PEBP4: variants seen among roughly 807,000 people sequenced by gnomAD.
The protein encoded by PEBP4 is phosphatidylethanolamine-binding protein 4.
In PEBP4, 22 loss-of-function variants were observed where a neutral mutation model predicts 23.9. The ratio of observed to expected loss-of-function variants is 0.92; its 90% CI spans 0.66 to 1.31. The LOEUF is 1.31. Ranked by LOEUF, PEBP4 falls within the 40% of genes most tolerant of loss-of-function variation. PEBP4 has a pLI of 0.00. For synonymous variants in PEBP4, 112 were observed against 99.3 expected (o/e 1.13, Z -0.76); for missense variants, 324 against 281.7 (o/e 1.15, Z -1.07).
intron 4 of PEBP4, chr8:22,747,676 G>GA (rs1367394614): frequency 6.6e-6 from 1 of 152,290 alleles, no homozygotes; most frequent in Non-Finnish European, 1.5e-5. Context: ...CTGCCTCGCT[G>GA]AGTAGCCTGA....
intron 4 of PEBP4, among the ~76,000 whole-genome samples, chr8:22,797,250 T>C (rs1585277917): frequency 2.3e-5 from 2 of 85,470 alleles, no homozygotes; most frequent in Non-Finnish European, 4.6e-5. Flanking sequence ...TGAAACTCTG[T>C]CTCAAAAAAA....
chr8:22,833,368 G>A (rs537152155), intron 3 of PEBP4, among the ~76,000 whole-genome samples: 38 of 152,272 alleles, frequency 2.5e-4, no homozygotes, highest in African/African-American at 8.4e-4. Flanking sequence ...GTCTTATTCT[G>A]TCACTCAGGC....
chr8:22,817,808 T>C, intron 3 of PEBP4, 73 bp from the exon 4 acceptor site: 1 of 1,385,084 alleles, frequency 7.2e-7, no homozygotes, highest in Non-Finnish European at 1.0e-6. Flanking sequence ...CAGACCTCCT[T>C]TTCCCGCCAT....
chr8:22,799,028 G>A (rs1437692654), intron 4 of PEBP4, among the ~76,000 whole-genome samples: 2 of 152,020 alleles, frequency 1.3e-5, no homozygotes, highest in Admixed American at 6.6e-5. Context: ...GTTAGCCACC[G>A]TGCCTGGCCA....
intron 3 of PEBP4, among the ~76,000 whole-genome samples, chr8:22,873,125 G>C (rs1388256981): frequency 1.3e-5 from 2 of 152,210 alleles, no homozygotes; most frequent in Non-Finnish European, 2.9e-5. Context: ...TGAGTATAAA[G>C]AGAAAGGGGC....
At chr8:22,792,480 C>G (rs781290643) in intron 4 of PEBP4, among the ~76,000 whole-genome samples, 3 of 152,038 alleles carry the variant, frequency 2.0e-5, no homozygotes, top group African/African-American at 4.8e-5. Context: ...TTGGTCATAT[C>G]CTTTCTATGA....
intron 4 of PEBP4, among the ~76,000 whole-genome samples, chr8:22,804,488 A>C (rs753012381): frequency 2.0e-5 from 3 of 149,480 alleles, no homozygotes; most frequent in Non-Finnish European, 4.5e-5. Context: ...CTTTTTTATT[A>C]TGATGAGGTC....
intron 3 of PEBP4, among the ~76,000 whole-genome samples, chr8:22,898,947 TC>T (rs1337711808): frequency 6.6e-6 from 1 of 152,146 alleles, no homozygotes; most frequent in Non-Finnish European, 1.5e-5. Context: ...AGTCCCAGTA[TC>T]CCTTTGCTAG....
chr8:22,890,833 C>CT (rs989232456), intron 3 of PEBP4, among the ~76,000 whole-genome samples: 12 of 152,138 alleles, frequency 7.9e-5, no homozygotes, highest in South Asian at 2.1e-4. Context: ...TCCCCCTTTT[C>CT]TTTTTTTTAT....
At chr8:22,900,703 T>C (rs1808694342) in intron 3 of PEBP4, among the ~76,000 whole-genome samples, 1 of 151,188 alleles carries the variant, frequency 6.6e-6, no homozygotes, top group Admixed American at 6.6e-5. Context: ...ATGAGAGAAC[T>C]AGCCTAGGAG....
At chr8:22,751,019 A>C (rs1805244209) in intron 4 of PEBP4, among the ~76,000 whole-genome samples, 1 of 152,224 alleles carries the variant, frequency 6.6e-6, no homozygotes, top group African/African-American at 2.4e-5. Context: ...AAGTGTTGAC[A>C]AGAAGGCATT....
rs544779791 is a variant in PEBP4, at chr8:22,815,647, C to T, written c.357+1990G>A. On this transcript the variant is annotated intron_variant, in intron 4 of 6. Transcript: ENST00000256404. ...ATGTGACGGAAACCCGCGCCTCCTC[C>T]GGCCTGAGCGGGAAGGCCGAGGGCC... is the stretch of plus-strand genomic sequence containing the variant. 4.0e-3 allele frequency among the ~76,000 whole-genome samples: 613 copies of T among 152,342 alleles called. 3 individuals carry two copies. Among genetic ancestry groups the T allele is most frequent in the Non-Finnish European group, 7.0e-3 (474 of 68,032 alleles).
intron 3 of PEBP4, among the ~76,000 whole-genome samples, chr8:22,820,483 G>A (rs578022396): frequency 6.6e-6 from 1 of 152,208 alleles, no homozygotes; most frequent in Admixed American, 6.5e-5. Context: ...CCTTGACCGG[G>A]AGAGGCAGGC....
intron 3 of PEBP4, among the ~76,000 whole-genome samples, chr8:22,875,493 A>G (rs1808101577): frequency 6.6e-6 from 1 of 152,054 alleles, no homozygotes; most frequent in Non-Finnish European, 1.5e-5. Flanking sequence ...CCCCTCAAAT[A>G]GATCCCAGTG....
At chr8:22,937,117 A>C (rs921232633) in intron 1 of PEBP4, among the ~76,000 whole-genome samples, 1 of 152,232 alleles carries the variant, frequency 6.6e-6, no homozygotes, top group Admixed American at 6.5e-5. Flanking sequence ...AAGAAAAGAA[A>C]TAAAAGGCAT....
intron 4 of PEBP4, 30 bp downstream of exon 4, chr8:22,817,607 G>A (rs996462264): frequency 2.0e-5 from 32 of 1,579,444 alleles, no homozygotes; most frequent in Non-Finnish European, 2.8e-5. Context: ...AACCCCAAAT[G>A]CGTCAGAGAG....
At chr8:22,878,970 C>T (rs1808186323) in intron 3 of PEBP4, among the ~76,000 whole-genome samples, 1 of 152,160 alleles carries the variant, frequency 6.6e-6, no homozygotes, top group African/African-American at 2.4e-5. Context: ...CCCAGCTTAG[C>T]GTGGCTATGG....
chr8:22,844,891 G>T (rs549761309), intron 3 of PEBP4, among the ~76,000 whole-genome samples: 5 of 152,324 alleles, frequency 3.3e-5, no homozygotes, highest in African/African-American at 1.2e-4. Context: ...AAGCTAGCCA[G>T]TGTATGCCCT....
intron 4 of PEBP4, among the ~76,000 whole-genome samples, chr8:22,785,561 C>A (rs1806011246): frequency 6.6e-6 from 1 of 152,178 alleles, no homozygotes; most frequent in South Asian, 2.1e-4. Context: ...TGCTCCTGCT[C>A]CCTGAGGGAG....
Sources: allele counts gnomAD v4.1 joint callset (sites outside exome capture counted in the v4.1 genomes callset), GRCh38; gene constraint gnomAD v4.1.1; transcripts MANE v1.5; gene names NCBI Gene and HGNC (gene_info 2026-07-23, HGNC 2026-07-21).